DLGAP5: variants seen among roughly 807,000 people sequenced by gnomAD.
DLGAP5 encodes the protein DLG associated protein 5.
A neutral mutation model predicts 99.6 loss-of-function variants in DLGAP5; 90 were observed. That is an observed-to-expected ratio of 0.90 (90% confidence interval 0.76 to 1.08). The LOEUF (loss-of-function observed/expected upper bound fraction) is 1.08, where lower values mean the gene tolerates loss of function less well. DLGAP5 is among the 50% of genes least tolerant of loss of function. The pLI, the probability that DLGAP5 is intolerant of heterozygous loss-of-function variation, is 0.00. For missense variants in DLGAP5, 1,036 were observed against 983.5 expected, an observed-to-expected ratio of 1.05 and a Z score of -0.71; for synonymous variants, 311 against 321.3, an observed-to-expected ratio of 0.97 and a Z score of 0.34.
At chr14:55,166,339 A>C (rs1016474862) in intron 12 of DLGAP5, among the ~76,000 whole-genome samples, 1 of 152,216 alleles carries the variant, frequency 6.6e-6, no homozygotes, top group African/African-American at 2.4e-5. Context: ...AAAAAAGGCA[A>C]ATCTACAGAG....
At chr14:55,191,347 C>G (rs1201028943) in intron 1 of DLGAP5, 116 bp downstream of exon 1, 1 of 152,918 alleles carries the variant, frequency 6.5e-6, no homozygotes, top group East Asian at 1.9e-4. Flanking sequence ...TAACACGGTC[C>G]TAAAGGAGCC....
intron 7 of DLGAP5, among the ~76,000 whole-genome samples, chr14:55,178,284 T>G (rs1194229098): frequency 6.6e-6 from 1 of 152,068 alleles, no homozygotes. Context: ...TTACAATGGT[T>G]TAAAATCAGA....
intron 7 of DLGAP5, among the ~76,000 whole-genome samples, chr14:55,178,152 T>C (rs1014490819): frequency 1.1e-4 from 17 of 151,770 alleles, no homozygotes; most frequent in Non-Finnish European, 1.5e-5. Flanking sequence ...CTTGGGAGGC[T>C]GAGGCAGGAG....
rs541504765 is a variant in DLGAP5 at position 55,170,216 on chromosome 14, C to T, written c.1387+486G>A. ...ACTGCAAATAATTATCTAAGAAGGA[C>T]TTCATACTGACAGCACATAATTTTT... On this transcript the variant is annotated intron_variant, in intron 11 of 18. Coordinates refer to ENST00000247191, the MANE Select transcript of DLGAP5 (RefSeq NM_014750.5). Among the ~76,000 whole-genome samples the T allele has an allele frequency of 2.2e-3, 331 of 151,420 alleles. 1 individual carries two copies. The highest frequency in any genetic ancestry group is 3.7e-3 in the Non-Finnish European group (254 of 67,896).
intron 6 of DLGAP5, 30 bp from the exon 7 acceptor site, chr14:55,179,729 T>G: frequency 6.4e-7 from 1 of 1,551,862 alleles, no homozygotes; most frequent in Non-Finnish European, 8.8e-7. Flanking sequence ...TTTATTTTAC[T>G]AGATAGAAAT....
In DLGAP5 at chr14:55,179,703, AAAC is replaced by A. The variant is rs201178189; in HGVS notation, c.704-7_704-5del. 1.7e-3 allele frequency: 2,801 copies of A among 1,605,086 alleles called. 59 individuals are homozygous for A. The African/African-American group carries it at 0.034, about 20-fold the overall frequency. On this transcript the variant is annotated splice_polypyrimidine_tract_variant and splice_region_variant and intron_variant, in intron 6 of 18. Transcript: ENST00000247191. Reference sequence around the variant, plus strand: ...ACCTTTCCTTCTGGTTCGTTTTCTAAAACAACAATAAAATATTTATTTTACTAG... The same window carrying A: ...ACCTTTCCTTCTGGTTCGTTTTCTAAAACAATAAAATATTTATTTTACTAG...
intron 7 of DLGAP5, among the ~76,000 whole-genome samples, chr14:55,178,238 C>T (rs999667804): frequency 6.6e-6 from 1 of 151,474 alleles, no homozygotes; most frequent in East Asian, 1.9e-4. Flanking sequence ...GGCGACAGAG[C>T]GAGACTCTGT....
rs1882904534 is a variant in DLGAP5 at position 55,172,761 on chromosome 14, A to C, written c.1302-1974T>G. On this transcript the variant is annotated intron_variant, in intron 10 of 18. Coordinates refer to ENST00000247191, the MANE Select transcript of DLGAP5 (RefSeq NM_014750.5). ...CACTTTGGGAGGCTGAGGCAAGCGG[A>C]TCACAAGGTCAGGAGTTCGAGACCA... 2.0e-5 allele frequency among the ~76,000 whole-genome samples: 3 copies of C among 152,276 alleles called. No homozygotes were observed. In the South Asian group the frequency reaches 6.2e-4, roughly 32 times the overall value.
chr14:55,164,937 A>AGG (rs1555328387), intron 12 of DLGAP5, among the ~76,000 whole-genome samples: 3 of 141,810 alleles, frequency 2.1e-5, no homozygotes, highest in Non-Finnish European at 4.5e-5. Context: ...AAAAAAAAAA[A>AGG]GAGAAATTTG....
At position 55,183,656 on chromosome 14, in the gene DLGAP5, T is replaced by C. The variant is rs781443648; in HGVS notation, c.336A>G (p.Lys112=). 7.6e-5 allele frequency: 122 copies of C among 1,612,500 alleles called. No homozygotes were observed. Among genetic ancestry groups the C allele is most frequent in the Non-Finnish European group, 9.9e-5 (117 of 1,179,670 alleles). Reference sequence around the variant, plus strand: ...CCACTTTAAATATTCCTCGTTTAGCTTTCTCTCTCTGCTCTTTCAATTTTT... The same window carrying C: ...CCACTTTAAATATTCCTCGTTTAGCCTTCTCTCTCTGCTCTTTCAATTTTT... The part of the protein sequence containing the change: ...QLQKLKEQRE[K]AKRGIFKVGR... The change falls in exon 3 of 19, where the codon AAA becomes AAG. Residue 112 remains lysine (K), a synonymous_variant. Coordinates refer to ENST00000247191, the MANE Select transcript of DLGAP5 (RefSeq NM_014750.5).
At chr14:55,162,372 C>A (rs556439792) in intron 13 of DLGAP5, among the ~76,000 whole-genome samples, 21 of 152,206 alleles carry the variant, frequency 1.4e-4, no homozygotes, top group Non-Finnish European at 2.5e-4. Context: ...GTAATCCCAG[C>A]ACTTTGGGAG....
At chr14:55,163,131 C>CTCAT in intron 12 of DLGAP5, 56 bp from the exon 13 acceptor site, 1 of 1,101,054 alleles carries the variant, frequency 9.1e-7, no homozygotes, top group South Asian at 1.8e-5. Context: ...AAGTTATAAA[C>CTCAT]GAATGAGCTG....
intron 12 of DLGAP5, among the ~76,000 whole-genome samples, chr14:55,166,785 ACT>A (rs1265681615): frequency 2.6e-5 from 4 of 151,844 alleles, no homozygotes; most frequent in Non-Finnish European, 4.4e-5. Context: ...TGGTTGCATA[ACT>A]CTGTAAATTT....
At chr14:55,186,481 T>C (rs1211631627) in intron 2 of DLGAP5, among the ~76,000 whole-genome samples, 1 of 152,220 alleles carries the variant, frequency 6.6e-6, no homozygotes, top group Non-Finnish European at 1.5e-5. Context: ...AATGTCTTTT[T>C]AAATCTCTTC....
At chr14:55,154,534 G>A in intron 15 of DLGAP5, 83 bp downstream of exon 15, 1 of 1,143,224 alleles carries the variant, frequency 8.7e-7, no homozygotes, top group Non-Finnish European at 1.3e-6. Flanking sequence ...ATATATGTCT[G>A]GCACCTTTTA....
rs1882826639 is a variant in DLGAP5 at position 55,170,692 on chromosome 14, G to A, written c.1387+10C>T. The A allele has an allele frequency of 1.2e-6, 2 of 1,605,702 alleles. No individual in the cohort carries two copies. The highest frequency in any genetic ancestry group is 1.7e-6 in the Non-Finnish European group (2 of 1,173,418). On this transcript the variant is annotated intron_variant, in intron 11 of 18. Transcript: ENST00000247191. ...AACAAAGCAAACAAAAAATACAAAT[G>A]TTGCCTCACCATCATCTGGAATGTC... is the stretch of plus-strand genomic sequence containing the variant.
rs1883306813 is a variant in DLGAP5, at chr14:55,182,370, C to T, written c.495G>A (p.Lys165=). The T allele has an allele frequency of 6.2e-7, 1 of 1,611,502 alleles. No homozygotes were observed. Among genetic ancestry groups the T allele is most frequent in the Admixed American group, 1.7e-5 (1 of 59,808 alleles). ...SKAKDQMEQT[K]IDNESDVRAI... ...AACAATTATCTACTATCAACTATAC[C>T]TTAGTCTGCTCCATTTGGTCTTTGG... The change falls in exon 4 of 19, where the codon AAG becomes AAA. Residue 165 remains lysine, a splice_region_variant and synonymous_variant. Transcript: ENST00000247191.
intron 11 of DLGAP5, among the ~76,000 whole-genome samples, 196 bp downstream of exon 11, chr14:55,170,506 T>C (rs1246385657): frequency 2.6e-5 from 4 of 152,236 alleles, no homozygotes; most frequent in African/African-American, 7.2e-5. Context: ...TTAGCACAGA[T>C]GTTAGGGAAC....
Position 55,179,684 on chromosome 14 carries a change from C to T in DLGAP5, c.719G>A (p.Gly240Glu). Reference sequence around the variant, plus strand: ...AGGTCTTCCTTTACTTGGCACCTTTCCTTCTGGTTCGTTTTCTAAAACAAC... The same window carrying T: ...AGGTCTTCCTTTACTTGGCACCTTTTCTTCTGGTTCGTTTTCTAAAACAAC... Reference protein sequence around the residue: ...TRAANENEPEGKVPSKGRPAK... With the variant: ...TRAANENEPEEKVPSKGRPAK... The change falls in exon 7 of 19, where the codon GGA (glycine) becomes GAA (glutamate). Residue 240 changes from glycine to glutamate, a missense_variant. Gly to Glu is a moderately conservative substitution (Grantham distance 98). Coordinates refer to ENST00000247191, the MANE Select transcript of DLGAP5 (RefSeq NM_014750.5). 2 of 1,610,808 alleles carry T rather than the reference C, an allele frequency of 1.2e-6. No individual in the cohort carries two copies. The highest frequency in any genetic ancestry group is 1.7e-6 in the Non-Finnish European group (2 of 1,178,778).
Sources: gnomAD v4.1 joint callset for allele counts (sites outside exome capture counted in the v4.1 genomes callset) on GRCh38, gnomAD v4.1.1 for gene constraint, MANE v1.5 for transcripts, NCBI Gene and HGNC (gene_info 2026-07-23, HGNC 2026-07-21) for gene names.